LARP1B: variants seen among roughly 807,000 people sequenced by gnomAD.
LARP1B encodes La ribonucleoprotein 1B.
A neutral mutation model predicts 114.2 loss-of-function variants in LARP1B; 76 were observed. That is an observed-to-expected ratio of 0.67 (90% CI 0.55 to 0.81). The LOEUF (loss-of-function observed/expected upper bound fraction) is 0.81. Among genes scored for constraint, LARP1B ranks in the 30% least tolerant of loss-of-function variants. The pLI, the probability that LARP1B is intolerant of heterozygous loss-of-function variation, is 0.00. For synonymous variants in LARP1B, 345 were observed against 348.0 expected, an observed-to-expected ratio of 0.99 and a Z score of 0.10; for missense variants, 1,014 against 1,075.8, an observed-to-expected ratio of 0.94 and a Z score of 0.80.
chr4:128,074,813 C>A, intron 2 of LARP1B, 121 bp from the exon 3 acceptor site: 1 of 625,714 alleles, frequency 1.6e-6, no homozygotes. Flanking sequence ...TTGGCAGATG[C>A]CTGCATATAA....
At chr4:128,114,801 G>A in intron 10 of LARP1B, 59 bp downstream of exon 10, 4 of 1,470,938 alleles carry the variant, frequency 2.7e-6, no homozygotes, top group Non-Finnish European at 3.8e-6. Flanking sequence ...TAAGGTCAGT[G>A]CACTTTATGT....
intron 4 of LARP1B, among the ~76,000 whole-genome samples, chr4:128,079,994 T>G (rs543520833): frequency 3.3e-5 from 5 of 152,044 alleles, no homozygotes; most frequent in African/African-American, 1.2e-4. Context: ...GTCTTTTTTT[T>G]TTTTTTTGAG....
intron 11 of LARP1B, among the ~76,000 whole-genome samples, chr4:128,129,514 A>G (rs1307482696): frequency 6.6e-6 from 1 of 152,172 alleles, no homozygotes; most frequent in African/African-American, 2.4e-5. Context: ...TACCCAATCA[A>G]AATCCCAGCA....
chr4:128,160,538 G>A (rs1261268385), intron 11 of LARP1B, among the ~76,000 whole-genome samples: 1 of 152,108 alleles, frequency 6.6e-6, no homozygotes, highest in South Asian at 2.1e-4. Context: ...GTGTGTGTGT[G>A]TGTATGTTAT....
At chr4:128,165,400 ATGT>A (rs1279414242) in intron 12 of LARP1B, among the ~76,000 whole-genome samples, 3 of 152,050 alleles carry the variant, frequency 2.0e-5, no homozygotes, top group Non-Finnish European at 4.4e-5. Flanking sequence ...ATGACAGGAA[ATGT>A]TGAATAGATT....
chr4:128,077,833 A>G lies in LARP1B; in HGVS notation c.88A>G (p.Lys30Glu). 14 of 1,607,502 alleles carry G rather than the reference A, an allele frequency of 8.7e-6. No individual in the cohort carries two copies. The highest frequency in any genetic ancestry group is 1.2e-5 in the Non-Finnish European group (14 of 1,178,208). Residue 30 changes from lysine (K) to glutamate (E), a missense_variant, in exon 4 of 20, where the codon AAA becomes GAA. Lys to Glu is a moderately conservative substitution (Grantham distance 56). Coordinates refer to ENST00000326639, the MANE Select transcript of LARP1B (RefSeq NM_018078.4). ...AGGAAATAAAAAGCCACAAAATAGA[A>G]AAGAAAAAGAAGAGAAGGTTGAAAA... ...SQGNKKPQNR[K>E]EKEEKVEKRS...
intron 9 of LARP1B, chr4:128,108,582 G>A: frequency 1.0e-6 from 1 of 985,520 alleles, no homozygotes; most frequent in Non-Finnish European, 1.2e-6. Flanking sequence ...TCAGCCTTCT[G>A]CTTCTAATCC....
At position 128,207,843 on chromosome 4, in the gene LARP1B, T is replaced by A. The variant is rs558447296; in HGVS notation, c.2547+460T>A. Among the ~76,000 whole-genome samples, 31 of 152,352 alleles carry A rather than the reference T, an allele frequency of 2.0e-4. 1 individual carries two copies. The South Asian group carries it at 6.0e-3, about 29-fold the overall frequency. ...ACAAGAGTGGTGTCTTTTAGTTGAG[T>A]CAGCCAGACAAGGTCCTTTTGCTGC... is the stretch of plus-strand genomic sequence containing the variant. On this transcript the variant is annotated intron_variant, in intron 19 of 19. Coordinates refer to ENST00000326639, the MANE Select transcript of LARP1B (RefSeq NM_018078.4).
chr4:128,199,710 C>T, intron 16 of LARP1B, 111 bp downstream of exon 16: 1 of 473,350 alleles, frequency 2.1e-6, no homozygotes. Flanking sequence ...TATTGTTAGA[C>T]TATACATAGT....
intron 7 of LARP1B, among the ~76,000 whole-genome samples, chr4:128,092,403 G>A (rs1395963175): frequency 1.3e-5 from 2 of 152,052 alleles, no homozygotes; most frequent in African/African-American, 4.8e-5. Context: ...GAAGTCAGGA[G>A]AATATTAGTT....
intron 3 of LARP1B, among the ~76,000 whole-genome samples, chr4:128,075,464 C>G (rs1767439154): frequency 6.6e-6 from 1 of 152,092 alleles, no homozygotes; most frequent in Non-Finnish European, 1.5e-5. Flanking sequence ...TTCGATGCTG[C>G]CAGTAACATT....
chr4:128,103,022 G>A (rs187025480), intron 8 of LARP1B, among the ~76,000 whole-genome samples: 6 of 152,076 alleles, frequency 3.9e-5, no homozygotes, highest in African/African-American at 1.4e-4. Context: ...TATGTATTCC[G>A]GCATTGGTAG....
At position 128,211,282 on chromosome 4, in the gene LARP1B, C is replaced by T. The variant is rs918982000; in HGVS notation, c.*1229C>T. 3.1e-6 allele frequency: 3 copies of T among 959,376 alleles called. 1 individual carries two copies. In the South Asian group the frequency reaches 1.5e-4, roughly 46 times the overall value. The allele number at this position is 959,376 out of a possible 1,614,324, so 59.4% of individuals were successfully genotyped here. On this transcript the variant is annotated 3_prime_UTR_variant, in exon 20 of 20. Transcript: ENST00000326639. ...ACTTTATTGAGCACTACATAATTTA[C>T]AGATATTTTGTTGTATTGGCAAAAG... is the stretch of plus-strand genomic sequence containing the variant.
At chr4:128,076,358 A>T (rs1301498451) in intron 3 of LARP1B, among the ~76,000 whole-genome samples, 1 of 152,118 alleles carries the variant, frequency 6.6e-6, no homozygotes, top group Non-Finnish European at 1.5e-5. Context: ...TGCATTTTCT[A>T]GAATTTTATA....
intron 9 of LARP1B, among the ~76,000 whole-genome samples, chr4:128,109,771 C>T (rs972371444): frequency 3.3e-5 from 5 of 151,110 alleles, no homozygotes; most frequent in African/African-American, 1.2e-4. Context: ...AAGTGCCACA[C>T]ATAAAATATA....
chr4:128,193,221 G>A (rs1230103858), intron 15 of LARP1B, among the ~76,000 whole-genome samples: 1 of 152,078 alleles, frequency 6.6e-6, no homozygotes, highest in Non-Finnish European at 1.5e-5. Flanking sequence ...GTGCACATGT[G>A]CATACACACA....
intron 8 of LARP1B, among the ~76,000 whole-genome samples, chr4:128,104,119 T>C (rs1781273260): frequency 6.6e-6 from 1 of 151,820 alleles, no homozygotes. Flanking sequence ...CATTATATAT[T>C]GTAACTCATA....
chr4:128,196,374 C>T (rs1194314939), intron 15 of LARP1B, among the ~76,000 whole-genome samples: 1 of 150,804 alleles, frequency 6.6e-6, no homozygotes, highest in Non-Finnish European at 1.5e-5. Context: ...AAAAAATTAG[C>T]CAGGCATAGT....
At chr4:128,076,800 A>C (rs543621659) in intron 3 of LARP1B, among the ~76,000 whole-genome samples, 4 of 152,110 alleles carry the variant, frequency 2.6e-5, no homozygotes, top group African/African-American at 9.6e-5. Flanking sequence ...ATCTCAGCTC[A>C]TTGCAGTCTT....
Sources: allele counts gnomAD v4.1 joint callset (sites outside exome capture counted in the v4.1 genomes callset), GRCh38; gene constraint gnomAD v4.1.1; transcripts MANE v1.5; gene names NCBI Gene and HGNC (gene_info 2026-07-23, HGNC 2026-07-21).